UST: variants seen among roughly 807,000 people sequenced by gnomAD.
UST encodes uronyl 2-sulfotransferase.
A neutral mutation model predicts 45.6 loss-of-function variants in UST; 21 were observed. That is an observed-to-expected ratio of 0.46 (90% CI 0.33 to 0.66). The LOEUF (loss-of-function observed/expected upper bound fraction) is 0.66. UST is among the 30% of genes least tolerant of loss of function. The pLI is 0.02. For missense variants in UST, 463 were observed against 512.4 expected (o/e 0.90, Z 0.93); for synonymous variants, 215 against 200.6 (o/e 1.07, Z -0.61).
chr6:148,760,949 T>C (rs1490085738), intron 1 of UST, among the ~76,000 whole-genome samples: 2 of 152,218 alleles, frequency 1.3e-5, no homozygotes, highest in African/African-American at 2.4e-5. Flanking sequence ...CCTTCCTCTG[T>C]CTACATGGCC....
intron 7 of UST, among the ~76,000 whole-genome samples, chr6:149,064,490 A>G (rs528044003): frequency 6.6e-6 from 1 of 152,306 alleles, no homozygotes; most frequent in East Asian, 1.9e-4. Flanking sequence ...GATGGTGATG[A>G]TGATGATGCC....
At chr6:149,052,539 A>G (rs185251559) in intron 7 of UST, among the ~76,000 whole-genome samples, 1 of 152,318 alleles carries the variant, frequency 6.6e-6, no homozygotes, top group East Asian at 1.9e-4. Context: ...GTGATTGAAC[A>G]TTCAACCCAG....
chr6:148,781,228 A>G (rs911851415), intron 1 of UST, among the ~76,000 whole-genome samples: 1 of 152,222 alleles, frequency 6.6e-6, no homozygotes, highest in African/African-American at 2.4e-5. Flanking sequence ...AAAGCAAAAG[A>G]AATGTTGTTG....
At chr6:148,969,637 A>C (rs544555364) in intron 5 of UST, among the ~76,000 whole-genome samples, 2 of 152,282 alleles carry the variant, frequency 1.3e-5, no homozygotes, top group South Asian at 4.2e-4. Context: ...TGGCTCCGTT[A>C]CTGGCTCCAC....
intron 1 of UST, among the ~76,000 whole-genome samples, chr6:148,792,420 G>A (rs776314668): frequency 6.6e-6 from 1 of 152,090 alleles, no homozygotes; most frequent in African/African-American, 2.4e-5. Flanking sequence ...CCCCAAAGTC[G>A]CCTGGGCCTG....
intron 1 of UST, among the ~76,000 whole-genome samples, chr6:148,879,497 A>T (rs1778783730): frequency 6.6e-6 from 1 of 152,238 alleles, no homozygotes; most frequent in Non-Finnish European, 1.5e-5. Context: ...CTTTAAAAAT[A>T]CCAAATACCA....
intron 1 of UST, among the ~76,000 whole-genome samples, chr6:148,866,006 T>A (rs958534590): frequency 1.3e-5 from 2 of 152,160 alleles, no homozygotes; most frequent in Non-Finnish European, 2.9e-5. Flanking sequence ...TATATGTGTG[T>A]GTATGTATAT....
intron 1 of UST, among the ~76,000 whole-genome samples, chr6:148,853,571 CCCA>C (rs1353432927): frequency 6.6e-6 from 1 of 152,196 alleles, no homozygotes; most frequent in African/African-American, 2.4e-5. Flanking sequence ...AATTTACATT[CCCA>C]CCAACAGTGT....
At chr6:148,878,249 GTGTATGAGTGCGGAGAT>G (rs1778740829) in intron 1 of UST, among the ~76,000 whole-genome samples, 1 of 108,498 alleles carries the variant, frequency 9.2e-6, no homozygotes, top group Non-Finnish European at 1.8e-5. Context: ...TGCGGAGATC[GTGTATGAGTGCGGAGAT>G]CGTGTATGAG....
intron 3 of UST, among the ~76,000 whole-genome samples, chr6:148,953,383 C>T (rs1006573601): frequency 1.3e-5 from 2 of 152,172 alleles, no homozygotes; most frequent in African/African-American, 4.8e-5. Context: ...AGACACAGGA[C>T]TATCAATTTG....
intron 1 of UST, among the ~76,000 whole-genome samples, chr6:148,832,558 G>A (rs1234907004): frequency 2.6e-5 from 4 of 152,168 alleles, no homozygotes; most frequent in African/African-American, 4.8e-5. Context: ...ACCATGTGCC[G>A]CGTTAGGTTG....
chr6:149,010,913 A>AAC (rs1554234081), intron 5 of UST, among the ~76,000 whole-genome samples: 37 of 93,004 alleles, frequency 4.0e-4, no homozygotes, highest in Middle Eastern at 7.2e-3. Flanking sequence ...AAAAAAAAAA[A>AAC]AAAAAACTGT....
At chr6:149,049,502 T>G (rs930149402) in intron 7 of UST, among the ~76,000 whole-genome samples, 18 of 152,266 alleles carry the variant, frequency 1.2e-4, no homozygotes, top group African/African-American at 3.9e-4. Context: ...GTAATTTATT[T>G]TCTTCATTTC....
intron 1 of UST, among the ~76,000 whole-genome samples, chr6:148,879,959 T>TTTTCTTTTTTC (rs1778793599): frequency 6.7e-6 from 1 of 148,312 alleles, no homozygotes. Context: ...TTTCTTTTTT[T>TTTTCTTTTTTC]TTTTTTTTGA....
At chr6:148,899,351 G>A (rs1334509180) in intron 2 of UST, among the ~76,000 whole-genome samples, 1 of 151,942 alleles carries the variant, frequency 6.6e-6, no homozygotes, top group East Asian at 1.9e-4. Context: ...TGCCCGCCTC[G>A]GCCTCCCAAA....
chr6:148,937,146 C>T (rs1780040873), intron 2 of UST, among the ~76,000 whole-genome samples: 1 of 152,140 alleles, frequency 6.6e-6, no homozygotes, highest in African/African-American at 2.4e-5. Flanking sequence ...AAAACCCCAC[C>T]CTAAATTTCA....
At chr6:148,861,349 T>C (rs61469096) in intron 1 of UST, among the ~76,000 whole-genome samples, 311 of 152,294 alleles carry the variant, frequency 2.0e-3, no homozygotes, top group African/African-American at 7.4e-3. Flanking sequence ...TGATATCCCC[T>C]TTATCATTTT....
At chr6:148,922,666 G>A (rs1446514836) in intron 2 of UST, among the ~76,000 whole-genome samples, 1 of 150,930 alleles carries the variant, frequency 6.6e-6, no homozygotes, top group Non-Finnish European at 1.5e-5. Context: ...ATAGAGACAG[G>A]GTTTCACTGT....
intron 1 of UST, among the ~76,000 whole-genome samples, chr6:148,882,978 C>T (rs1013632658): frequency 5.3e-5 from 8 of 152,310 alleles, no homozygotes; most frequent in South Asian, 4.1e-4. Flanking sequence ...AGAACTAGTG[C>T]GGCCCACATT....
Sources: gnomAD v4.1 joint callset for allele counts (sites outside exome capture counted in the v4.1 genomes callset) on GRCh38, gnomAD v4.1.1 for gene constraint, MANE v1.5 for transcripts, NCBI Gene and HGNC (gene_info 2026-07-23, HGNC 2026-07-21) for gene names.